CCSER1: variants seen among roughly 807,000 people sequenced by gnomAD.
CCSER1 encodes the protein serine-rich coiled-coil domain-containing protein 1.
Under a neutral mutation model 82.0 loss-of-function variants are expected in CCSER1, and 41 were observed. The ratio of observed to expected loss-of-function variants is 0.50; its 90% CI spans 0.39 to 0.65. The LOEUF (loss-of-function observed/expected upper bound fraction) is 0.65. CCSER1 is among the 30% of genes least tolerant of loss of function. The pLI is 0.00. For synonymous variants in CCSER1, 414 were observed against 383.9 expected, an observed-to-expected ratio of 1.08 and a Z score of -0.92; for missense variants, 1,119 against 1,064.2, an observed-to-expected ratio of 1.05 and a Z score of -0.72.
chr4:90,683,484 G>T (rs1051661768), intron 6 of CCSER1, among the ~76,000 whole-genome samples: 1 of 151,846 alleles, frequency 6.6e-6, no homozygotes. Context: ...CTTAACCTGA[G>T]TCATTTTAAG....
intron 5 of CCSER1, among the ~76,000 whole-genome samples, chr4:90,609,584 G>A (rs190483158): frequency 5.4e-4 from 82 of 152,178 alleles, no homozygotes; most frequent in Non-Finnish European, 9.1e-4. Flanking sequence ...TATTTTAGAA[G>A]GAAAACTATA....
chr4:90,425,037 A>T (rs139541500), intron 4 of CCSER1, among the ~76,000 whole-genome samples: 1,824 of 152,136 alleles, frequency 0.012, 18 homozygotes, highest in South Asian at 0.022. Context: ...AACTAACTTT[A>T]TGTGATCCAG....
At chr4:90,148,500 A>C in intron 1 of CCSER1, among the ~76,000 whole-genome samples, 1 of 152,290 alleles carries the variant, frequency 6.6e-6, no homozygotes, top group East Asian at 1.9e-4. Flanking sequence ...ATGGTAGTAC[A>C]AGGTTGATAT....
chr4:91,078,425 C>T (rs992646897), intron 9 of CCSER1, among the ~76,000 whole-genome samples: 9 of 152,158 alleles, frequency 5.9e-5, no homozygotes, highest in African/African-American at 1.4e-4. Flanking sequence ...CCCATCTGTA[C>T]GTCACCATCA....
intron 5 of CCSER1, among the ~76,000 whole-genome samples, chr4:90,482,679 G>A (rs1324847854): frequency 6.6e-6 from 1 of 152,180 alleles, no homozygotes; most frequent in Non-Finnish European, 1.5e-5. Context: ...TAGTTGAGCG[G>A]TTTTGAGTGA....
intron 4 of CCSER1, among the ~76,000 whole-genome samples, chr4:90,436,716 A>G (rs1759041496): frequency 6.6e-6 from 1 of 152,196 alleles, no homozygotes; most frequent in South Asian, 2.1e-4. Flanking sequence ...ATGTAAGAGT[A>G]TATGACATAT....
chr4:90,700,340 A>G (rs1007465738), intron 6 of CCSER1, among the ~76,000 whole-genome samples: 11 of 152,136 alleles, frequency 7.2e-5, no homozygotes, highest in African/African-American at 2.7e-4. Context: ...ATGGCTGCAT[A>G]GTATTCCATG....
chr4:90,308,770 T>C lies in CCSER1; in HGVS notation c.486T>C (p.Ser162=). The C allele has an allele frequency of 6.2e-7, 1 of 1,613,884 alleles. No individual in the cohort carries two copies. The highest frequency in any genetic ancestry group is 1.1e-5 in the South Asian group (1 of 91,068). The part of the protein sequence containing the change: ...LSSGKSEGDD[S]GFTEDQTRRS... ...CTGGCAAAAGTGAAGGGGATGATTC[T>C]GGTTTCACAGAAGACCAAACTCGTC... The change falls in exon 2 of 11, where the codon TCT becomes TCC. Residue 162 remains serine (S), a synonymous_variant. Transcript: ENST00000509176.
intron 1 of CCSER1, among the ~76,000 whole-genome samples, chr4:90,153,961 G>A (rs1727465457): frequency 6.6e-6 from 1 of 152,146 alleles, no homozygotes; most frequent in African/African-American, 2.4e-5. Flanking sequence ...CCATGCCTCT[G>A]TCCTGAATGG....
chr4:91,081,534 T>C (rs1244118024), intron 9 of CCSER1, among the ~76,000 whole-genome samples: 1 of 152,096 alleles, frequency 6.6e-6, no homozygotes, highest in Non-Finnish European at 1.5e-5. Context: ...ACCACTCCTA[T>C]TCAACATAGT....
At chr4:90,891,193 A>G (rs1298182943) in intron 8 of CCSER1, among the ~76,000 whole-genome samples, 1 of 151,790 alleles carries the variant, frequency 6.6e-6, no homozygotes, top group Non-Finnish European at 1.5e-5. Context: ...ATAAAAAACC[A>G]AGTGAATTGG....
intron 10 of CCSER1, among the ~76,000 whole-genome samples, chr4:91,247,072 C>T (rs901105120): frequency 2.6e-5 from 4 of 151,926 alleles, no homozygotes; most frequent in African/African-American, 4.8e-5. Context: ...GAGGCCGAGG[C>T]GGGTGGATCA....
intron 9 of CCSER1, among the ~76,000 whole-genome samples, chr4:91,006,492 CTT>C (rs567997060): frequency 6.3e-5 from 9 of 143,792 alleles, no homozygotes; most frequent in African/African-American, 1.3e-4. Flanking sequence ...TTCTTTTTTT[CTT>C]TTTTTTTTTT....
intron 8 of CCSER1, among the ~76,000 whole-genome samples, chr4:90,885,113 CT>C (rs1721928640): frequency 2.0e-5 from 3 of 152,058 alleles, no homozygotes. Flanking sequence ...CATTGAAAAA[CT>C]TATAGTAAGA....
intron 10 of CCSER1, among the ~76,000 whole-genome samples, chr4:91,366,607 T>C (rs1310712735): frequency 6.6e-6 from 1 of 152,242 alleles, no homozygotes; most frequent in Non-Finnish European, 1.5e-5. Context: ...CTGTGTCTCC[T>C]GATTCTTGAC....
At chr4:91,173,740 T>G (rs939985794) in intron 10 of CCSER1, among the ~76,000 whole-genome samples, 1 of 152,174 alleles carries the variant, frequency 6.6e-6, no homozygotes, top group Non-Finnish European at 1.5e-5. Context: ...CTCTACTTCC[T>G]GAGTGTATGA....
At chr4:90,514,895 G>A (rs1772051438) in intron 5 of CCSER1, among the ~76,000 whole-genome samples, 1 of 148,454 alleles carries the variant, frequency 6.7e-6, no homozygotes, top group Admixed American at 6.7e-5. Context: ...TTGAGATGGA[G>A]TCTTGTTCCT....
chr4:91,289,217 G>C (rs926169854), intron 10 of CCSER1, among the ~76,000 whole-genome samples: 17 of 151,896 alleles, frequency 1.1e-4, no homozygotes, highest in African/African-American at 4.1e-4. Context: ...CACACTAAAG[G>C]CTTCATAGAA....
intron 8 of CCSER1, among the ~76,000 whole-genome samples, chr4:90,878,257 T>C (rs1253063719): frequency 6.6e-6 from 1 of 152,160 alleles, no homozygotes; most frequent in Non-Finnish European, 1.5e-5. Context: ...TCCATAACCA[T>C]GAGCCCCTGT....
Sources: gnomAD v4.1 joint callset for allele counts (sites outside exome capture counted in the v4.1 genomes callset) on GRCh38, gnomAD v4.1.1 for gene constraint, MANE v1.5 for transcripts, NCBI Gene and HGNC (gene_info 2026-07-23, HGNC 2026-07-21) for gene names.